TMEM245: variants seen among roughly 807,000 people sequenced by gnomAD.
The protein encoded by TMEM245 is transmembrane protein 245, also known as protein CG-2.
TMEM245 carries 69 observed loss-of-function variants against 101.2 expected under a neutral mutation model. The ratio of observed to expected loss-of-function variants is 0.68; its 90% CI spans 0.56 to 0.83. The LOEUF is 0.83. TMEM245 is among the 40% of genes least tolerant of loss of function. The probability of loss-of-function intolerance (pLI) is 0.00; values close to 1 mark genes in which losing one functional copy is unlikely to be tolerated. For synonymous variants in TMEM245, 537 were observed against 449.8 expected (o/e 1.19, Z -2.45); for missense variants, 1,075 against 1,092.8 (o/e 0.98, Z 0.23).
chr9:109,055,184 C>T (rs1302097680), intron 12 of TMEM245, among the ~76,000 whole-genome samples: 1 of 152,184 alleles, frequency 6.6e-6, no homozygotes, highest in Non-Finnish European at 1.5e-5. Context: ...TCAACGACTA[C>T]AGTCACAAAA....
At chr9:109,118,564 G>T (rs754394392) in intron 1 of TMEM245, among the ~76,000 whole-genome samples, 1 of 152,194 alleles carries the variant, frequency 6.6e-6, no homozygotes, top group Non-Finnish European at 1.5e-5. Context: ...CCCTGGTTTT[G>T]TAAGAGTAAG....
intron 10 of TMEM245, among the ~76,000 whole-genome samples, chr9:109,064,041 T>C (rs1025859793): frequency 2.6e-5 from 4 of 152,082 alleles, no homozygotes; most frequent in African/African-American, 9.7e-5. Context: ...TTTCCTCATC[T>C]GCAAAGCAGG....
chr9:109,023,520 G>A (rs1827697940), intron 17 of TMEM245, among the ~76,000 whole-genome samples: 1 of 152,142 alleles, frequency 6.6e-6, no homozygotes. Flanking sequence ...AGGAATCACA[G>A]TATAGAATTT....
chr9:109,103,940 C>A (rs931270925), intron 3 of TMEM245, among the ~76,000 whole-genome samples: 3 of 151,784 alleles, frequency 2.0e-5, no homozygotes, highest in African/African-American at 7.3e-5. Flanking sequence ...CAAATATTAG[C>A]CAGGCATGAT....
At chr9:109,071,359 AG>A (rs1829326446) in intron 9 of TMEM245, among the ~76,000 whole-genome samples, 1 of 150,150 alleles carries the variant, frequency 6.7e-6, no homozygotes, top group Non-Finnish European at 1.5e-5. Flanking sequence ...CTGTAATCCC[AG>A]CACTTCGGGA....
intron 1 of TMEM245, among the ~76,000 whole-genome samples, chr9:109,110,611 G>A (rs1022115309): frequency 1.3e-5 from 2 of 151,996 alleles, no homozygotes; most frequent in African/African-American, 2.4e-5. Flanking sequence ...TCAGAGGTAC[G>A]TCAGTTAGCC....
intron 8 of TMEM245, among the ~76,000 whole-genome samples, chr9:109,077,473 C>T (rs896771618): frequency 6.6e-6 from 1 of 152,108 alleles, no homozygotes; most frequent in African/African-American, 2.4e-5. Context: ...TTCTAAATAT[C>T]CTTATTATTT....
chr9:109,056,161 C>T (rs1005902281), intron 12 of TMEM245, among the ~76,000 whole-genome samples: 2 of 151,786 alleles, frequency 1.3e-5, no homozygotes, highest in African/African-American at 2.4e-5. Flanking sequence ...AGGTAAATAC[C>T]CAGGGAAAGC....
chr9:109,108,418 C>CT, intron 2 of TMEM245, 35 bp downstream of exon 2: 3 of 937,148 alleles, frequency 3.2e-6, no homozygotes, highest in Non-Finnish European at 4.4e-6. Flanking sequence ...TTAGGCTAGA[C>CT]TTAAAAAAAA....
At chr9:109,087,400 T>C (rs144823919) in intron 5 of TMEM245, 58 bp from the exon 6 acceptor site, 1,068 of 1,450,624 alleles carry the variant, frequency 7.4e-4, no homozygotes, top group Non-Finnish European at 9.6e-4. Flanking sequence ...AGTTGTAACA[T>C]GAAAAGGTAC....
In TMEM245 at chr9:109,119,643, C is replaced by T; in HGVS notation, c.271G>A (p.Gly91Ser). 1 of 1,563,418 alleles carries T rather than the reference C, an allele frequency of 6.4e-7. No homozygotes were observed. Among genetic ancestry groups the T allele is most frequent in the Non-Finnish European group, 8.6e-7 (1 of 1,157,026 alleles). ...CTCTTGAAGGGGTGCAGAAAAGTGC[C>T]GCATAGCACGGCCCAGAGCAGCGGC... ...LRPLLWAVLC[G>S]TFLHPFKSSL... The change falls in exon 1 of 18, where the codon GGC becomes AGC. Residue 91 changes from glycine to serine, a missense_variant. Physicochemically the swap from Gly to Ser is moderately conservative, Grantham distance 56. Around this residue, in one of 2 missense-constraint regions of TMEM245, gnomAD observed 808 missense variants for 741.5 expected, o/e 1.09. Coordinates refer to ENST00000374586, the MANE Select transcript of TMEM245 (RefSeq NM_032012.4).
At chr9:109,054,615 C>CA (rs966247710) in intron 12 of TMEM245, among the ~76,000 whole-genome samples, 6 of 150,924 alleles carry the variant, frequency 4.0e-5, no homozygotes, top group Admixed American at 3.3e-4. Context: ...CAACAATATC[C>CA]AAAAAACAAA....
intron 3 of TMEM245, 27 bp from the exon 4 acceptor site, chr9:109,093,618 A>T (rs1168610623): frequency 6.3e-7 from 1 of 1,581,444 alleles, no homozygotes; most frequent in Non-Finnish European, 8.7e-7. Context: ...CATTTTCAAA[A>T]CTCTTTAAAG....
intron 4 of TMEM245, among the ~76,000 whole-genome samples, chr9:109,093,134 G>GGAGGGAAATGTGGGA (rs1830052805): frequency 6.6e-6 from 1 of 152,060 alleles, no homozygotes; most frequent in African/African-American, 2.4e-5. Context: ...TGCGTAAAGT[G>GGAGGGAAATGTGGGA]GAGGGAAATG....
chr9:109,056,665 TTG>T (rs1828848616), intron 12 of TMEM245, among the ~76,000 whole-genome samples: 1 of 152,080 alleles, frequency 6.6e-6, no homozygotes, highest in South Asian at 2.1e-4. Flanking sequence ...ACCTCAATTT[TTG>T]TTCACTTGAT....
chr9:109,029,152 T>A (rs1827877143), intron 17 of TMEM245, among the ~76,000 whole-genome samples: 2 of 151,404 alleles, frequency 1.3e-5, no homozygotes, highest in Non-Finnish European at 2.9e-5. Context: ...GTTGAAGAAA[T>A]CACCCAGAAA....
At chr9:109,059,143 C>A (rs1011591323) in intron 11 of TMEM245, among the ~76,000 whole-genome samples, 23 of 152,070 alleles carry the variant, frequency 1.5e-4, no homozygotes, top group African/African-American at 5.6e-4. Flanking sequence ...AATAGATATA[C>A]CTTTCTAATT....
Position 109,050,294 on chromosome 9 carries a change from T to C in TMEM245, c.2112A>G (p.Glu704=). The change falls in exon 14 of 18, where the codon GAA becomes GAG. Residue 704 remains glutamate (E), a synonymous_variant. Transcript: ENST00000374586. ...AACCTTATCCCTACCTGATAGCTTC[T>C]TCCACAGACTGGCCAATAATATTAG... The part of the protein sequence containing the change: ...PSSNIIGQSV[E]EAIRGVFDAS... The C allele has an allele frequency of 6.2e-7, 1 of 1,614,048 alleles. No individual in the cohort carries two copies. Among genetic ancestry groups the C allele is most frequent in the Non-Finnish European group, 8.5e-7 (1 of 1,179,986 alleles).
Position 109,119,856 on chromosome 9 carries a change from C to A in TMEM245, c.58G>T (p.Ala20Ser). 1 of 1,329,044 alleles carries A rather than the reference C, an allele frequency of 7.5e-7. No homozygotes were observed. Among genetic ancestry groups the A allele is most frequent in the Non-Finnish European group, 9.5e-7 (1 of 1,049,982 alleles). The allele number at this position is 1,329,044 out of a possible 1,614,324, so 82.3% of individuals were successfully genotyped here. Residue 20 changes from alanine (A) to serine (S), a missense_variant, in exon 1 of 18, where the codon GCG (alanine) becomes TCG (serine). Ala to Ser is a moderately conservative substitution (Grantham distance 99). Around this residue, in one of 2 missense-constraint regions of TMEM245, gnomAD observed 808 missense variants for 741.5 expected, o/e 1.09. Coordinates refer to ENST00000374586, the MANE Select transcript of TMEM245 (RefSeq NM_032012.4). ...CCGACCGCGCGCGGGACCCGCGGCG[C>A]CGGCCCGGGAGAGCTCCGCAGGCTT... Reference protein sequence around the residue: ...APSLRSSPGPAPRVPRAVGPS... With the variant: ...APSLRSSPGPSPRVPRAVGPS...
Sources: allele counts gnomAD v4.1 joint callset (sites outside exome capture counted in the v4.1 genomes callset), GRCh38; gene constraint gnomAD v4.1.1; regional missense constraint gnomAD v4.1.1; transcripts MANE v1.5; gene names NCBI Gene and HGNC (gene_info 2026-07-23, HGNC 2026-07-21).